Variants in IQCJ observed in about 807,000 individuals in gnomAD.
IQCJ encodes IQ motif containing J.
A neutral mutation model predicts 11.0 loss-of-function variants in IQCJ; 9 were observed. The observed-to-expected ratio is 0.82, with a 90% CI of 0.49 to 1.43. IQCJ has a LOEUF of 1.43. Ranked by LOEUF, IQCJ falls within the 40% of genes most tolerant of loss-of-function variation. The pLI is 0.00. For missense variants in IQCJ, 146 were observed against 133.2 expected, an observed-to-expected ratio of 1.10 and a Z score of -0.47; for synonymous variants, 55 against 51.3, an observed-to-expected ratio of 1.07 and a Z score of -0.31.
chr3:159,127,754 C>T (rs879864141), intron 1 of IQCJ, among the ~76,000 whole-genome samples: 5 of 152,180 alleles, frequency 3.3e-5, no homozygotes, highest in East Asian at 1.9e-4. Flanking sequence ...ATCAAAACTT[C>T]GAAGAAAGTC....
At chr3:159,211,250 G>A (rs1039911996) in intron 1 of IQCJ, among the ~76,000 whole-genome samples, 5 of 152,164 alleles carry the variant, frequency 3.3e-5, no homozygotes, top group Admixed American at 6.5e-5. Context: ...GGATGAGGAA[G>A]GCCAGGAAGT....
chr3:159,151,197 T>C (rs1451602706), intron 1 of IQCJ, among the ~76,000 whole-genome samples: 2 of 152,144 alleles, frequency 1.3e-5, no homozygotes, highest in African/African-American at 2.4e-5. Context: ...AGGCAATGGG[T>C]AGAGAGCCAT....
intron 1 of IQCJ, chr3:159,069,804 T>C (rs1715426007): frequency 2.1e-6 from 1 of 482,670 alleles, no homozygotes; most frequent in African/African-American, 2.0e-5. Flanking sequence ...CCCATGCAAA[T>C]GGTATGTTTT....
At chr3:159,104,726 GC>G (rs1203721386) in intron 1 of IQCJ, among the ~76,000 whole-genome samples, 1 of 152,136 alleles carries the variant, frequency 6.6e-6, no homozygotes, top group African/African-American at 2.4e-5. Flanking sequence ...ACTCCTGTTT[GC>G]CCTTGTGAGC....
At chr3:159,261,061 T>C (rs1728175278) in intron 3 of IQCJ, among the ~76,000 whole-genome samples, 1 of 152,156 alleles carries the variant, frequency 6.6e-6, no homozygotes, top group African/African-American at 2.4e-5. Context: ...AATAATGTGG[T>C]CACATTTTTT....
chr3:159,111,786 T>G (rs975854269), intron 1 of IQCJ, among the ~76,000 whole-genome samples: 7 of 152,218 alleles, frequency 4.6e-5, no homozygotes, highest in Admixed American at 1.3e-4. Flanking sequence ...AGTAATACTA[T>G]TAGTTGGATT....
intron 1 of IQCJ, among the ~76,000 whole-genome samples, chr3:159,146,774 A>G (rs1413342248): frequency 6.6e-6 from 1 of 152,226 alleles, no homozygotes; most frequent in Non-Finnish European, 1.5e-5. Flanking sequence ...AGGAAATATG[A>G]TAATTCTCAC....
intron 1 of IQCJ, among the ~76,000 whole-genome samples, chr3:159,089,416 A>C (rs1005042699): frequency 2.6e-5 from 4 of 151,862 alleles, no homozygotes; most frequent in African/African-American, 9.7e-5. Flanking sequence ...GCTCTTCTCG[A>C]GGAGTATCTT....
chr3:159,102,824 C>T (rs180854539), intron 1 of IQCJ, among the ~76,000 whole-genome samples: 338 of 152,270 alleles, frequency 2.2e-3, no homozygotes, highest in African/African-American at 7.9e-3. Context: ...TTCCTGGTGA[C>T]TTCTGACATT....
intron 1 of IQCJ, among the ~76,000 whole-genome samples, chr3:159,191,089 G>T (rs879885321): frequency 6.6e-6 from 1 of 152,196 alleles, no homozygotes; most frequent in African/African-American, 2.4e-5. Context: ...CAATTGGAGT[G>T]GGGAAAACGC....
At chr3:159,128,838 C>T (rs1719827741) in intron 1 of IQCJ, among the ~76,000 whole-genome samples, 1 of 152,182 alleles carries the variant, frequency 6.6e-6, no homozygotes, top group African/African-American at 2.4e-5. Context: ...AAGTCTTGCA[C>T]AATTCTTAAA....
At chr3:159,175,781 T>C (rs188934379) in intron 1 of IQCJ, among the ~76,000 whole-genome samples, 30 of 152,338 alleles carry the variant, frequency 2.0e-4, no homozygotes, top group Admixed American at 1.8e-3. Context: ...CTACTATGAA[T>C]AGAGCTTCTA....
intron 1 of IQCJ, 172 bp downstream of exon 1, chr3:159,069,613 G>T: frequency 1.2e-6 from 1 of 828,126 alleles, no homozygotes; most frequent in Non-Finnish European, 1.8e-6. Context: ...ATGTGTCCTT[G>T]TTAATGTAGG....
At chr3:159,109,232 A>G (rs1265718108) in intron 1 of IQCJ, among the ~76,000 whole-genome samples, 1 of 152,156 alleles carries the variant, frequency 6.6e-6, no homozygotes. Context: ...TTTGCAGTGA[A>G]GAAGGTATTA....
At chr3:159,121,578 T>A (rs1478223287) in intron 1 of IQCJ, among the ~76,000 whole-genome samples, 1 of 152,230 alleles carries the variant, frequency 6.6e-6, no homozygotes, top group African/African-American at 2.4e-5. Context: ...CCTTTTCAAT[T>A]TTTTGTCTGA....
At chr3:159,235,657 A>C (rs974786403) in intron 1 of IQCJ, among the ~76,000 whole-genome samples, 4 of 152,156 alleles carry the variant, frequency 2.6e-5, no homozygotes, top group Non-Finnish European at 5.9e-5. Flanking sequence ...CAGGGACTGA[A>C]ATTATCTCAG....
intron 1 of IQCJ, among the ~76,000 whole-genome samples, chr3:159,187,031 A>G (rs960100635): frequency 6.6e-6 from 1 of 152,210 alleles, no homozygotes; most frequent in Non-Finnish European, 1.5e-5. Context: ...ATTTGCCTCA[A>G]AGTTTCTGCT....
At chr3:159,233,731 C>G (rs958582816) in intron 1 of IQCJ, among the ~76,000 whole-genome samples, 1 of 152,148 alleles carries the variant, frequency 6.6e-6, no homozygotes, top group Non-Finnish European at 1.5e-5. Flanking sequence ...AATGACAAGA[C>G]AAGTAAGACA....
At chr3:159,085,133 G>T (rs1472603422) in intron 1 of IQCJ, among the ~76,000 whole-genome samples, 2 of 148,846 alleles carry the variant, frequency 1.3e-5, no homozygotes, top group Admixed American at 1.4e-4. Context: ...TGTTCTCATT[G>T]TTCAATTCCC....
Sources: allele counts gnomAD v4.1 joint callset (sites outside exome capture counted in the v4.1 genomes callset), GRCh38; gene constraint gnomAD v4.1.1; transcripts MANE v1.5; gene names NCBI Gene and HGNC (gene_info 2026-07-23, HGNC 2026-07-21).